The following SPSB3 variants were observed in gnomAD, a reference collection of about 807,000 sequenced individuals.
The protein encoded by SPSB3 is splA/ryanodine receptor domain and SOCS box containing 3, also known as SPRY domain-containing SOCS box protein 3.
A neutral mutation model predicts 29.5 loss-of-function variants in SPSB3; 18 were observed. The observed-to-expected ratio is 0.61, with a 90% confidence interval of 0.42 to 0.91. The LOEUF (loss-of-function observed/expected upper bound fraction) is 0.91, where lower values mean the gene tolerates loss of function less well. Among genes scored for constraint, SPSB3 ranks in the 40% least tolerant of loss-of-function variants. The pLI is 0.00. For synonymous variants in SPSB3, 299 were observed against 214.1 expected, an observed-to-expected ratio of 1.40 and a Z score of -3.46; for missense variants, 540 against 507.5, an observed-to-expected ratio of 1.06 and a Z score of -0.61.
chr16:1,781,411 G>A lies in SPSB3; in HGVS notation c.73C>T (p.Arg25Trp), dbSNP rs1288869069. ...LSAARRDADA[R>W]AVALAGSTNW... ...GTGGAGCCTGCTAGAGCCACGGCCC[G>A]GGCATCTGCGTCTCGGCGGGCTGCA... Residue 25 changes from arginine (R) to tryptophan (W), a missense_variant, in exon 2 of 7, where the codon CGG (arginine) becomes TGG (tryptophan). Transcript: ENST00000566339. 3.1e-6 allele frequency: 5 copies of A among 1,612,706 alleles called. No homozygotes were observed. The highest frequency in any genetic ancestry group is 4.2e-6 in the Non-Finnish European group (5 of 1,180,004).
chr16:1,777,446 G>C lies in SPSB3; in HGVS notation c.722-3C>G. On this transcript the variant is annotated splice_polypyrimidine_tract_variant and splice_region_variant and intron_variant, in intron 6 of 6. Coordinates refer to ENST00000566339, the MANE Select transcript of SPSB3 (RefSeq NM_080861.4). The stretch of plus-strand genomic sequence containing the variant: ...CTGCAGCTTGGTGGCTGCCACACCT[G>C]GAAGGGAGGGGCCCAGCCTGAACCC... The C allele has an allele frequency of 4.7e-6, 7 of 1,503,202 alleles. No individual in the cohort carries two copies. The highest frequency in any genetic ancestry group is 6.2e-6 in the Non-Finnish European group (7 of 1,126,924). The allele number at this position is 1,503,202 out of a possible 1,614,324, so 93.1% of individuals were successfully genotyped here.
chr16:1,780,890 G>A (rs1049165464), intron 2 of SPSB3: 21 of 331,474 alleles, frequency 6.3e-5, no homozygotes, highest in Non-Finnish European at 8.9e-5. Flanking sequence ...GTGCCACCAC[G>A]CCTGACACAT....
chr16:1,776,740 T>C lies in SPSB3; in HGVS notation c.*357A>G, dbSNP rs1447486133. 5 of 359,680 alleles carry C rather than the reference T, an allele frequency of 1.4e-5. No individual in the cohort carries two copies. Among genetic ancestry groups the C allele is most frequent in the African/African-American group, 8.4e-5 (4 of 47,714 alleles). 22.3% of individuals were successfully genotyped at this position (359,680 alleles called of 1,614,324 possible). A position where few individuals can be genotyped will look rare whatever the true frequency, so the allele number is the denominator to read the frequency against. On this transcript the variant is annotated 3_prime_UTR_variant, in exon 7 of 7. Coordinates refer to ENST00000566339, the MANE Select transcript of SPSB3 (RefSeq NM_080861.4). ...GTGTTAGACATCAACTCTACATTTA[T>C]TGCAGTCCTTTAAGTCTATGACGGC...
intron 5 of SPSB3, 34 bp from the exon 6 acceptor site, chr16:1,777,906 G>A: frequency 1.2e-6 from 2 of 1,611,842 alleles, no homozygotes; most frequent in Non-Finnish European, 1.7e-6. Context: ...GAGCCCGGGA[G>A]CTCCAGGCTC....
At position 1,776,999 on chromosome 16, in the gene SPSB3, T is replaced by C. The variant is rs2042723263; in HGVS notation, c.*98A>G. ...TCCCTCCGGACGGGCCTCATCCAACTCCGCCCTGGAGTGTGGCTGGAAGGA... is the reference window on the plus strand; with the variant it reads ...TCCCTCCGGACGGGCCTCATCCAACCCCGCCCTGGAGTGTGGCTGGAAGGA... On this transcript the variant is annotated 3_prime_UTR_variant, in exon 7 of 7. Coordinates refer to ENST00000566339, the MANE Select transcript of SPSB3 (RefSeq NM_080861.4). 2 of 1,414,624 alleles carry C rather than the reference T, an allele frequency of 1.4e-6. No homozygotes were observed. The highest frequency in any genetic ancestry group is 4.1e-5 in the Admixed American group (2 of 48,462). 87.6% of individuals were successfully genotyped at this position (1,414,624 alleles called of 1,614,324 possible).
At chr16:1,781,690 C>G (rs1054402403) in intron 1 of SPSB3, 195 bp from the exon 2 acceptor site, 13 of 594,586 alleles carry the variant, frequency 2.2e-5, no homozygotes, top group Non-Finnish European at 3.8e-5. Context: ...CAGGTAGATC[C>G]TGTGAAACGC....
At position 1,778,428 on chromosome 16, in the gene SPSB3, C is replaced by G. The variant is rs375566827; in HGVS notation, c.304+7G>C. On this transcript the variant is annotated splice_region_variant and intron_variant, in intron 3 of 6. Coordinates refer to ENST00000566339, the MANE Select transcript of SPSB3 (RefSeq NM_080861.4). ...CAGTCCCAGCAGGGGCTGGGCCCCA[C>G]GCTCACACTCGTCTTCCTCTCCGCA... The G allele has an allele frequency of 6.2e-6, 10 of 1,607,082 alleles. 1 individual carries two copies. In the South Asian group the frequency reaches 1.1e-4, roughly 18 times the overall value.
In SPSB3 at chr16:1,776,789, G is replaced by C. The variant is rs2042719460; in HGVS notation, c.*308C>G. 1 of 479,538 alleles carries C rather than the reference G, an allele frequency of 2.1e-6. No homozygotes were observed. The highest frequency in any genetic ancestry group is 3.6e-5 in the East Asian group (1 of 27,836). 29.7% of individuals were successfully genotyped at this position (479,538 alleles called of 1,614,324 possible). ...GCGGGGCAGCCGCTGACAGCATGCA[G>C]AGCAAGTTAGGAAAAACCGAGGCCC... On this transcript the variant is annotated 3_prime_UTR_variant, in exon 7 of 7. Coordinates refer to ENST00000566339, the MANE Select transcript of SPSB3 (RefSeq NM_080861.4).
chr16:1,777,624 TG>T, intron 6 of SPSB3, 122 bp downstream of exon 6: 1 of 1,492,636 alleles, frequency 6.7e-7, no homozygotes, highest in South Asian at 1.3e-5. Flanking sequence ...CCTGGGACCC[TG>T]GGGCCTCAGG....
rs1456916711 is a variant in SPSB3, at chr16:1,781,440, A to G, written c.44T>C (p.Leu15Pro). Residue 15 changes from leucine to proline, a missense_variant, in exon 2 of 7, where the codon CTG (leucine) becomes CCG (proline). Transcript: ENST00000566339. ...PRNSRAWHFV[L>P]SAARRDADAR... is the part of the protein sequence containing the mutation. ...ATCTGCGTCTCGGCGGGCTGCACTCAGGACGAAGTGCCAGGCCCTGCTGTT... is the reference window on the plus strand; with the variant it reads ...ATCTGCGTCTCGGCGGGCTGCACTCGGGACGAAGTGCCAGGCCCTGCTGTT... The G allele has an allele frequency of 4.3e-6, 7 of 1,612,648 alleles. No individual in the cohort carries two copies. Among genetic ancestry groups the G allele is most frequent in the Non-Finnish European group, 5.9e-6 (7 of 1,180,006 alleles).
intron 6 of SPSB3, 61 bp from the exon 7 acceptor site, chr16:1,777,504 C>T (rs1329157314): frequency 1.4e-6 from 2 of 1,428,324 alleles, no homozygotes; most frequent in Non-Finnish European, 1.8e-6. Context: ...CTGGGCGCAG[C>T]CCCTCAGACC....
rs147337209 is a variant in SPSB3, at chr16:1,778,571, C to T, written c.168G>A (p.Pro56=). Residue 56 remains proline, a synonymous_variant, in exon 3 of 7, where the codon CCG becomes CCA. Transcript: ENST00000566339. ...SDSDPEYSTL[P]PSIPSAVPVT... ...CGGGCACCGCACTGGGGATGGATGGCGGCAGCGTGGAGTACTCGGGGTCGG... is the reference window on the plus strand; with the variant it reads ...CGGGCACCGCACTGGGGATGGATGGTGGCAGCGTGGAGTACTCGGGGTCGG... 283 of 1,595,952 alleles carry T rather than the reference C, an allele frequency of 1.8e-4. No homozygotes were observed. The African/African-American group carries it at 3.2e-3, about 18-fold the overall frequency.
chr16:1,777,487 CCAGCTACTGGGCG>C, intron 6 of SPSB3, 44 bp from the exon 7 acceptor site: 1 of 1,453,570 alleles, frequency 6.9e-7, no homozygotes, highest in Non-Finnish European at 9.1e-7. Context: ...AGGGAAGGGG[CCAGCTACTGGGCG>C]CAGCCCCTCA....
chr16:1,780,882 GCCA>G, intron 2 of SPSB3: 1 of 329,878 alleles, frequency 3.0e-6, no homozygotes, highest in South Asian at 2.4e-5. Context: ...ACAGGCACGT[GCCA>G]CCACGCCTGA....
chr16:1,778,081 C>A (rs529163255), intron 4 of SPSB3, 33 bp from the exon 5 acceptor site: 8 of 1,612,872 alleles, frequency 5.0e-6, no homozygotes, highest in Non-Finnish European at 6.8e-6. Flanking sequence ...GGGCGCGGGG[C>A]TGGGCTGCCG....
At chr16:1,781,675 A>C in intron 1 of SPSB3, 180 bp from the exon 2 acceptor site, 1 of 621,756 alleles carries the variant, frequency 1.6e-6, no homozygotes, top group Non-Finnish European at 2.8e-6. Flanking sequence ...CAGCTCAATA[A>C]AACCCAGGTA....
rs774365830 is a variant in SPSB3 at position 1,777,826 on chromosome 16, G to A, written c.642C>T (p.Phe214=). 9 of 1,612,800 alleles carry A rather than the reference G, an allele frequency of 5.6e-6. No individual in the cohort carries two copies. Among genetic ancestry groups the A allele is most frequent in the Admixed American group, 3.3e-5 (2 of 60,010 alleles). Reference sequence around the variant, plus strand: ...GCACGCCAATGATGGAGCCCTGGCCGAACCGCGATGAGAAGCTGGTCTTGT... The same window carrying A: ...GCACGCCAATGATGGAGCCCTGGCCAAACCGCGATGAGAAGCTGGTCTTGT... ...KGDKTSFSSR[F]GQGSIIGVHL... Residue 214 remains phenylalanine (F), a synonymous_variant, in exon 6 of 7, where the codon TTC becomes TTT. Transcript: ENST00000566339.
At chr16:1,781,737 GC>G (rs1054882518) in intron 1 of SPSB3, 2 of 535,566 alleles carry the variant, frequency 3.7e-6, no homozygotes, top group Non-Finnish European at 6.7e-6. Context: ...GCGAATCCCA[GC>G]CCCTCTCTCC....
chr16:1,776,977 C>T lies in SPSB3; in HGVS notation c.*120G>A, dbSNP rs939909383. On this transcript the variant is annotated 3_prime_UTR_variant, in exon 7 of 7. Coordinates refer to ENST00000566339, the MANE Select transcript of SPSB3 (RefSeq NM_080861.4). ...AGCCTCGGGAGCAAGAGATGGCTCC[C>T]TCCGGACGGGCCTCATCCAACTCCG... The T allele has an allele frequency of 5.1e-6, 6 of 1,181,124 alleles. No homozygotes were observed. Among genetic ancestry groups the T allele is most frequent in the Non-Finnish European group, 7.1e-6 (6 of 846,772 alleles). The allele number at this position is 1,181,124 out of a possible 1,614,324, so 73.2% of individuals were successfully genotyped here. A position where few individuals can be genotyped will look rare whatever the true frequency, so the allele number is the denominator to read the frequency against.
Sources: gnomAD v4.1 joint callset for allele counts on GRCh38, gnomAD v4.1.1 for gene constraint, MANE v1.5 for transcripts, NCBI Gene and HGNC (gene_info 2026-07-23, HGNC 2026-07-21) for gene names.